Variants in PWWP2A observed in about 807,000 individuals in gnomAD.
PWWP2A encodes PWWP domain containing 2A, also known as PWWP domain-containing protein 2A.
PWWP2A carries 18 observed loss-of-function variants against 48.5 expected under a neutral mutation model. The ratio of observed to expected loss-of-function variants is 0.37; its 90% CI spans 0.26 to 0.55. The LOEUF is 0.55. Among genes scored for constraint, PWWP2A ranks in the 20% least tolerant of loss-of-function variants. The pLI is 0.81. For synonymous variants in PWWP2A, 396 were observed against 387.7 expected, an observed-to-expected ratio of 1.02 and a Z score of -0.25; for missense variants, 867 against 976.4, an observed-to-expected ratio of 0.89 and a Z score of 1.49.
chr5:160,079,420 T>G (rs983190014), intron 3 of PWWP2A, among the ~76,000 whole-genome samples: 7 of 151,938 alleles, frequency 4.6e-5, no homozygotes, highest in African/African-American at 9.7e-5. Flanking sequence ...GAAAGATGAA[T>G]GTAGTCCTTG....
At chr5:160,109,786 T>TAAA (rs1757328727) in intron 1 of PWWP2A, among the ~76,000 whole-genome samples, 1 of 113,402 alleles carries the variant, frequency 8.8e-6, no homozygotes, top group Non-Finnish European at 1.8e-5. Context: ...TATATATATA[T>TAAA]ATATATATAT....
chr5:160,059,467 C>G (rs1236012899), downstream of PWWP2A, among the ~76,000 whole-genome samples: 1 of 152,202 alleles, frequency 6.6e-6, no homozygotes, highest in East Asian at 1.9e-4. Context: ...CTAGAACTTT[C>G]TCCATATAAG....
chr5:160,081,902 CTAAGT>C (rs1754261209), intron 2 of PWWP2A, among the ~76,000 whole-genome samples: 1 of 151,954 alleles, frequency 6.6e-6, no homozygotes, highest in Admixed American at 6.6e-5. Context: ...TTTTTTAATG[CTAAGT>C]TAAATTAGAA....
chr5:160,091,029 A>G, downstream of PWWP2A: 2 of 984,290 alleles, frequency 2.0e-6, no homozygotes, highest in Non-Finnish European at 2.4e-6. Flanking sequence ...ACCCGAATGT[A>G]AAAAAAGGAA....
Position 160,119,437 on chromosome 5 carries a change from C to G in PWWP2A, c.-49G>C, listed in dbSNP as rs1408965731. 8 of 1,353,456 alleles carry G rather than the reference C, an allele frequency of 5.9e-6. No individual in the cohort carries two copies. The highest frequency in any genetic ancestry group is 5.7e-6 in the Non-Finnish European group (6 of 1,058,882). The allele number at this position is 1,353,456 out of a possible 1,614,324, so 83.8% of individuals were successfully genotyped here. ...CCAACTCCGGCTGCAGCGGCGGCGG[C>G]GACAGCGCTGCTTGGTTCCCTGGGC... On this transcript the variant is annotated 5_prime_UTR_variant, in exon 1 of 2. Transcript: ENST00000307063.
intron 1 of PWWP2A, among the ~76,000 whole-genome samples, chr5:160,111,267 A>T (rs148514163): frequency 0.061 from 9,218 of 152,216 alleles, 308 homozygotes; most frequent in East Asian, 0.1. Context: ...TCCCGGGTTC[A>T]AGCGATTCTC....
In PWWP2A at chr5:160,092,023, T is replaced by C. The variant is rs1422021453; in HGVS notation, c.*359A>G. ...ATATATACATACACGGATATATATATATACACACACACACACGTATATATA... is the reference window on the plus strand; with the variant it reads ...ATATATACATACACGGATATATATACATACACACACACACACGTATATATA... On this transcript the variant is annotated 3_prime_UTR_variant, in exon 2 of 2. Transcript: ENST00000307063. 35 of 474,982 alleles carry C rather than the reference T, an allele frequency of 7.4e-5. 9 individuals are homozygous for C. The highest frequency in any genetic ancestry group is 9.5e-5 in the Non-Finnish European group (35 of 368,410). 29.4% of individuals were successfully genotyped at this position (474,982 alleles called of 1,614,324 possible). A position where few individuals can be genotyped will look rare whatever the true frequency, so the allele number is the denominator to read the frequency against.
chr5:160,073,793 G>A (rs1003215885), downstream of PWWP2A, among the ~76,000 whole-genome samples: 6 of 152,176 alleles, frequency 3.9e-5, no homozygotes, highest in South Asian at 4.1e-4. Context: ...AGCCGGGTGC[G>A]GTGGCTCACA....
intron 1 of PWWP2A, chr5:160,118,010 T>A (rs769402396): frequency 1.8e-5 from 7 of 387,348 alleles, no homozygotes; most frequent in Non-Finnish European, 2.5e-5. Flanking sequence ...AAAAACATTT[T>A]AAATCAAAAA....
chr5:160,062,028 G>C (rs1203023492), exon 6 of PWWP2A: 1 of 152,432 alleles, frequency 6.6e-6, no homozygotes, highest in East Asian at 1.9e-4. Flanking sequence ...GCTGGAAGCA[G>C]CAGGTGGGAA....
At chr5:160,094,634 CA>C (rs1444142947) in intron 1 of PWWP2A, among the ~76,000 whole-genome samples, 2 of 152,188 alleles carry the variant, frequency 1.3e-5, no homozygotes, top group Non-Finnish European at 2.9e-5. Context: ...TCCCAAAACA[CA>C]AAAATATCAA....
downstream of PWWP2A, chr5:160,089,498 CA>C: frequency 8.0e-7 from 1 of 1,254,050 alleles, no homozygotes; most frequent in Non-Finnish European, 1.0e-6. Context: ...GGGAATGACC[CA>C]CCGCACCTGG....
downstream of PWWP2A, chr5:160,091,295 A>G (rs943183101): frequency 1.0e-6 from 1 of 978,066 alleles, no homozygotes; most frequent in Non-Finnish European, 1.2e-6. Context: ...ATTTTCTACC[A>G]TCTTGAAATT....
the PWWP2A span, among the ~76,000 whole-genome samples, chr5:160,052,648 C>T: frequency 6.8e-6 from 1 of 147,872 alleles, no homozygotes; most frequent in Admixed American, 6.8e-5. Context: ...ATCTGGAAGG[C>T]ATTGGTCTCT....
chr5:160,073,032 A>AAAT (rs1753780655), downstream of PWWP2A, among the ~76,000 whole-genome samples: 4 of 121,146 alleles, frequency 3.3e-5, no homozygotes, highest in Admixed American at 3.5e-4. Context: ...AAAAAAAAAA[A>AAAT]ATCCTAACAT....
At chr5:160,057,877 T>G (rs1757584624), downstream of PWWP2A, among the ~76,000 whole-genome samples, 1 of 152,072 alleles carries the variant, frequency 6.6e-6, no homozygotes, top group Non-Finnish European at 1.5e-5. The surrounding 1 kb of genome is among the most constrained non-coding windows in gnomAD (Gnocchi z 4.4). Flanking sequence ...AAACAATTCT[T>G]CTGCCTCAGC....
At chr5:160,045,454 CCACACACACACACACACACACACACACA>C in the PWWP2A span, among the ~76,000 whole-genome samples, 142 of 38,906 alleles carry the variant, frequency 3.6e-3, 2 homozygotes, top group African/African-American at 0.013. Context: ...CCCCCACCCT[CCACACACACACACACACACACACACACA>C]CACACACACA....
At chr5:160,095,423 T>C (rs1168265830) in intron 1 of PWWP2A, among the ~76,000 whole-genome samples, 1 of 152,212 alleles carries the variant, frequency 6.6e-6, no homozygotes, top group Non-Finnish European at 1.5e-5. Flanking sequence ...CTAAGTTTTC[T>C]TCACATAAAA....
chr5:160,117,609 A>G (rs1758273505), intron 1 of PWWP2A, among the ~76,000 whole-genome samples: 1 of 151,458 alleles, frequency 6.6e-6, no homozygotes, highest in African/African-American at 2.4e-5. Flanking sequence ...GTGAGACGAT[A>G]TGGCGCCACT....
Sources: allele counts gnomAD v4.1 joint callset (sites outside exome capture counted in the v4.1 genomes callset), GRCh38; gene constraint gnomAD v4.1.1; non-coding constraint Gnocchi (gnomAD v3.1); transcripts MANE v1.5; gene names NCBI Gene and HGNC (gene_info 2026-07-23, HGNC 2026-07-21).